DENND2B: variants seen among roughly 807,000 people sequenced by gnomAD.
The protein encoded by DENND2B is DENN domain containing 2B.
In DENND2B, 32 loss-of-function variants were observed where a neutral mutation model predicts 116.0. That is an observed-to-expected ratio of 0.28 (90% CI 0.21 to 0.37). The LOEUF (loss-of-function observed/expected upper bound fraction) is 0.37. Ranked by LOEUF, DENND2B falls within the 10% of genes least tolerant of loss-of-function variation. The probability of loss-of-function intolerance (pLI) is 1.00; values close to 1 mark genes in which losing one functional copy is unlikely to be tolerated. For synonymous variants in DENND2B, 588 were observed against 583.9 expected (o/e 1.01, Z -0.10); for missense variants, 1,276 against 1,477.7 (o/e 0.86, Z 2.24).
intron 4 of DENND2B, among the ~76,000 whole-genome samples, chr11:8,834,703 G>A (rs569310174): frequency 1.3e-5 from 2 of 152,268 alleles, no homozygotes; most frequent in East Asian, 3.9e-4. Context: ...GTCTCTTCTA[G>A]AGCAACTTCA....
chr11:8,794,693 C>A (rs1369207642), intron 1 of DENND2B: 2 of 152,384 alleles, frequency 1.3e-5, no homozygotes, highest in East Asian at 3.9e-4. Context: ...TCACCTGAAG[C>A]CACAGGTGCT....
At position 8,827,333 on chromosome 11, in the gene DENND2B, G is replaced by A. The variant is rs150781177; in HGVS notation, c.-115+11977C>T. The stretch of plus-strand genomic sequence containing the variant: ...CCAGCAGAACACTCCCTTCTTACAA[G>A]GCCATGGGACTCCAGAGGCTAAAAC... On this transcript the variant is annotated intron_variant, in intron 4 of 6. Transcript: ENST00000524757. 1.7e-3 allele frequency among the ~76,000 whole-genome samples: 265 copies of A among 152,276 alleles called. 5 individuals are homozygous for A. The highest frequency in any genetic ancestry group is 6.3e-3 in the African/African-American group (260 of 41,542).
intron 13 of DENND2B, among the ~76,000 whole-genome samples, chr11:8,704,616 C>T (rs1392188511): frequency 6.6e-6 from 1 of 152,118 alleles, no homozygotes; most frequent in East Asian, 2.0e-4. Flanking sequence ...CTCTCCCACT[C>T]TCTACAACTA....
At chr11:8,776,077 C>T (rs2057577800) in intron 1 of DENND2B, 3 of 389,460 alleles carry the variant, frequency 7.7e-6, no homozygotes, top group Middle Eastern at 1.6e-3. Context: ...CCTGGCCCTA[C>T]CACCCTCCCC....
chr11:8,776,148 ACG>A (rs762259209), intron 1 of DENND2B: 16 of 189,452 alleles, frequency 8.4e-5, no homozygotes, highest in African/African-American at 4.9e-4. Flanking sequence ...ACGTGCGCGC[ACG>A]CGCGCGCGCG....
In DENND2B at chr11:8,826,453, C is replaced by T. The variant is rs2061981467; in HGVS notation, c.-115+12857G>A. On this transcript the variant is annotated intron_variant, in intron 4 of 6. Coordinates refer to the DENND2B transcript ENST00000524757. ...AGGACTCAGGCTTAAATGCTGTAAC[C>T]GAAACATTAGATGGTAGGAATGCAG... 2.6e-5 allele frequency among the ~76,000 whole-genome samples: 4 copies of T among 152,244 alleles called. No homozygotes were observed. The South Asian group carries it at 6.2e-4, about 24-fold the overall frequency.
intron 18 of DENND2B, chr11:8,695,926 C>G (rs756286647): frequency 3.7e-6 from 1 of 273,844 alleles, no homozygotes; most frequent in African/African-American, 2.3e-5. Context: ...GAAGTACTAA[C>G]CCTGAGGTTA....
In DENND2B at chr11:8,730,578, G is replaced by C. The variant is rs745405118; in HGVS notation, c.712C>G (p.Pro238Ala). The change falls in exon 3 of 20, where the codon CCA becomes GCA. Residue 238 changes from proline to alanine, a missense_variant. This residue lies in a region of DENND2B where 856 missense variants were observed against 846.6 expected (regional missense o/e 1.01). Transcript: ENST00000313726. This position sits in a 1 kb window ranked among gnomAD's most constrained non-coding sequence, Gnocchi z 4.1. ...MSRTFSECSY[P>A]ETEEEGEALP... ...GCCTCTCCCTCCTCCTCAGTCTCTG[G>C]GTAGGAACACTCGGAGAAGGTCCTG... 3 of 1,613,198 alleles carry C rather than the reference G, an allele frequency of 1.9e-6. No homozygotes were observed. Among genetic ancestry groups the C allele is most frequent in the Non-Finnish European group, 8.5e-7 (1 of 1,180,032 alleles).
chr11:8,834,590 T>C (rs1300438424), intron 4 of DENND2B, among the ~76,000 whole-genome samples: 1 of 152,188 alleles, frequency 6.6e-6, no homozygotes, highest in African/African-American at 2.4e-5. Context: ...ACATTCCAGC[T>C]CCTCTAGCCG....
intron 3 of DENND2B, 159 bp from the exon 4 acceptor site, chr11:8,726,368 G>T: frequency 1.1e-6 from 1 of 947,504 alleles, no homozygotes; most frequent in South Asian, 1.8e-5. Flanking sequence ...CAAATGAAGA[G>T]ACAGATGGTC....
chr11:8,726,188 A>G lies in DENND2B; in HGVS notation c.1362T>C (p.Asp454=). Residue 454 remains aspartate (D), a synonymous_variant, in exon 4 of 20, where the codon GAT becomes GAC. Coordinates refer to ENST00000313726, the MANE Select transcript of DENND2B (RefSeq NM_213618.2). ...SQSRKSFEFE[D]ASSLQSLYPS... ...GGTACAGGGACTGGAGACTGGATGC[A>G]TCCTCAAACTCAAAGGATTTTCTGT... 3 of 1,611,634 alleles carry G rather than the reference A, an allele frequency of 1.9e-6. No individual in the cohort carries two copies. The highest frequency in any genetic ancestry group is 2.5e-6 in the Non-Finnish European group (3 of 1,178,930).
chr11:8,701,344 C>G (rs868475011), intron 14 of DENND2B, among the ~76,000 whole-genome samples: 21 of 11,230 alleles, frequency 1.9e-3, no homozygotes, highest in Non-Finnish European at 1.7e-3. Flanking sequence ...GGCCAGCTTC[C>G]GGGGGGGGGG....
At chr11:8,740,248 C>T (rs1286846246) in intron 2 of DENND2B, among the ~76,000 whole-genome samples, 7 of 151,292 alleles carry the variant, frequency 4.6e-5, no homozygotes, top group African/African-American at 7.3e-5. Context: ...TGTATGTGTG[C>T]GCATGCACAT....
At chr11:8,724,251 G>A (rs993091362) in intron 4 of DENND2B, among the ~76,000 whole-genome samples, 2 of 151,078 alleles carry the variant, frequency 1.3e-5, no homozygotes, top group African/African-American at 2.4e-5. Flanking sequence ...AGCCGAGATC[G>A]CACCACTGCA....
chr11:8,748,244 C>A (rs192594167), intron 2 of DENND2B, among the ~76,000 whole-genome samples: 32 of 152,244 alleles, frequency 2.1e-4, no homozygotes, highest in African/African-American at 6.7e-4. Flanking sequence ...GATAAAAGGG[C>A]CCCAGGTCAC....
chr11:8,861,690 T>C (rs1274325361), intron 2 of DENND2B, among the ~76,000 whole-genome samples: 1 of 152,162 alleles, frequency 6.6e-6, no homozygotes, highest in East Asian at 1.9e-4. Context: ...GGGTATCTAC[T>C]CAAAGGATGA....
At chr11:8,705,414 G>C (rs1565650223) in intron 13 of DENND2B, among the ~76,000 whole-genome samples, 1 of 152,086 alleles carries the variant, frequency 6.6e-6, no homozygotes, top group Non-Finnish European at 1.5e-5. Context: ...GGTGGTTCCT[G>C]ATCCGGATCA....
At chr11:8,729,860 T>C in intron 3 of DENND2B, 90 bp downstream of exon 3, 1 of 1,516,434 alleles carries the variant, frequency 6.6e-7, no homozygotes, top group East Asian at 2.3e-5. Context: ...CACTAATGAC[T>C]GCGACCCATC....
chr11:8,703,016 C>T (rs2041994493), intron 13 of DENND2B: 1 of 404,600 alleles, frequency 2.5e-6, no homozygotes, highest in Non-Finnish European at 4.5e-6. Context: ...GGAGAGCTGA[C>T]TGCTCTTAGA....
Sources: gnomAD v4.1 joint callset for allele counts (sites outside exome capture counted in the v4.1 genomes callset) on GRCh38, gnomAD v4.1.1 for gene constraint, gnomAD v4.1.1 regional missense constraint, Gnocchi (gnomAD v3.1) non-coding constraint, MANE v1.5 for transcripts, NCBI Gene and HGNC (gene_info 2026-07-23, HGNC 2026-07-21) for gene names.